Variants in UBE3A observed in about 807,000 individuals in gnomAD.
The protein encoded by UBE3A is ubiquitin protein ligase E3A, also known as ubiquitin-protein ligase E3A.
Under a neutral mutation model 83.4 loss-of-function variants are expected in UBE3A, and 6 were observed. The observed-to-expected ratio is 0.07, with a 90% CI of 0.04 to 0.14. The LOEUF (loss-of-function observed/expected upper bound fraction) is 0.14, where lower values mean the gene tolerates loss of function less well. UBE3A is among the 10% of genes least tolerant of loss of function. The probability of loss-of-function intolerance (pLI) is 1.00; values close to 1 mark genes in which losing one functional copy is unlikely to be tolerated. For missense variants in UBE3A, 456 were observed against 1,036.1 expected (o/e 0.44, Z 7.69); for synonymous variants, 337 against 355.4 (o/e 0.95, Z 0.58).
chr15:25,345,799 TAACTGAAA>T (rs2075594698), intron 11 of UBE3A: 1 of 149,302 alleles, frequency 6.7e-6, no homozygotes, highest in Non-Finnish European at 1.5e-5. Flanking sequence ...TGAATGAGGG[TAACTGAAA>T]AAAAGGAAGA....
intron 5 of UBE3A, among the ~76,000 whole-genome samples, chr15:25,372,663 A>T: frequency 6.6e-6 from 1 of 152,194 alleles, no homozygotes; most frequent in East Asian, 1.9e-4. Context: ...GATGAAAGAT[A>T]TTTCATTTCA....
chr15:25,359,971 G>A (rs984096325), intron 7 of UBE3A, among the ~76,000 whole-genome samples: 2 of 152,090 alleles, frequency 1.3e-5, no homozygotes, highest in Non-Finnish European at 2.9e-5. Context: ...TCTGAACTTT[G>A]AGCATGACAT....
chr15:25,339,300 A>G (rs773890941), intron 12 of UBE3A, 43 bp from the exon 13 acceptor site: 42 of 1,603,102 alleles, frequency 2.6e-5, no homozygotes. Flanking sequence ...ACTGTAAGTC[A>G]TGGGAAATAC....
At chr15:25,369,743 C>T (rs777657973) in intron 6 of UBE3A, among the ~76,000 whole-genome samples, 5 of 152,134 alleles carry the variant, frequency 3.3e-5, no homozygotes, top group Non-Finnish European at 7.4e-5. Context: ...CTGACGACTG[C>T]TTTCTGTCTT....
chr15:25,405,743 C>CTA, intron 3 of UBE3A: 1 of 537,918 alleles, frequency 1.9e-6, no homozygotes, highest in Non-Finnish European at 3.3e-6. Flanking sequence ...ACTGTAAACG[C>CTA]TATACATAGA....
At chr15:25,354,857 A>G (rs1245357688) in intron 9 of UBE3A, among the ~76,000 whole-genome samples, 174 bp from the exon 10 acceptor site, 1 of 152,046 alleles carries the variant, frequency 6.6e-6, no homozygotes, top group Non-Finnish European at 1.5e-5. Context: ...GTTATAGCCA[A>G]TATTAAGCTA....
intron 11 of UBE3A, among the ~76,000 whole-genome samples, chr15:25,353,172 T>C (rs1362613215): frequency 6.6e-6 from 1 of 152,128 alleles, no homozygotes; most frequent in Non-Finnish European, 1.5e-5. Context: ...TGAATCACCT[T>C]TGAAACTCAG....
At chr15:25,356,997 T>C in intron 7 of UBE3A, 101 bp from the exon 8 acceptor site, 1 of 991,208 alleles carries the variant, frequency 1.0e-6, no homozygotes, top group Non-Finnish European at 1.5e-6. Context: ...TATAAAACAT[T>C]TAAAATATAT....
rs1288952411 is a variant in UBE3A, at chr15:25,409,225, C to A, written c.-100-18G>T. On this transcript the variant is annotated intron_variant, in intron 2 of 12. Coordinates refer to ENST00000648336, the MANE Select transcript of UBE3A (RefSeq NM_130839.5). ...TAATAACTCTAATAAATTAAACAAA[C>A]CTTTGGTTAGAACACTTTAATATAT... The A allele has an allele frequency of 2.1e-6, 2 of 959,718 alleles. No homozygotes were observed. Among genetic ancestry groups the A allele is most frequent in the East Asian group, 2.6e-5 (1 of 37,856 alleles). The allele number at this position is 959,718 out of a possible 1,614,324, so 59.5% of individuals were successfully genotyped here. A position where few individuals can be genotyped will look rare whatever the true frequency, so the allele number is the denominator to read the frequency against.
At chr15:25,362,590 G>A (rs2078298376) in intron 6 of UBE3A, among the ~76,000 whole-genome samples, 1 of 152,174 alleles carries the variant, frequency 6.6e-6, no homozygotes, top group South Asian at 2.1e-4. Flanking sequence ...ACTTGATATA[G>A]ACTAGTTCCA....
At chr15:25,436,436 T>C (rs1367992976) in intron 1 of UBE3A, among the ~76,000 whole-genome samples, 1 of 152,196 alleles carries the variant, frequency 6.6e-6, no homozygotes, top group African/African-American at 2.4e-5. Flanking sequence ...GGAAACATCA[T>C]TTCAAGAGCT....
rs1409040592 is a variant in UBE3A at position 25,338,326 on chromosome 15, GAAC to G, written c.*808_*810del. 3 of 149,972 alleles carry G rather than the reference GAAC, an allele frequency of 2.0e-5. No individual in the cohort carries two copies. Among genetic ancestry groups the G allele is most frequent in the East Asian group, 2.0e-4 (1 of 4,904 alleles). 9.3% of individuals were successfully genotyped at this position (149,972 alleles called of 1,614,324 possible). A position where few individuals can be genotyped will look rare whatever the true frequency, so the allele number is the denominator to read the frequency against. On this transcript the variant is annotated 3_prime_UTR_variant, in exon 13 of 13. Transcript: ENST00000648336. ...CCCAGTAAACTTAAAACAACAACGA[GAAC>G]AACAAGAACAAAAATCCCTGTCCTT...
At chr15:25,423,723 C>T (rs1890494361) in intron 1 of UBE3A, among the ~76,000 whole-genome samples, 1 of 152,010 alleles carries the variant, frequency 6.6e-6, no homozygotes, top group African/African-American at 2.4e-5. Flanking sequence ...GTAAAATTAC[C>T]TGTAGTTAAG....
chr15:25,342,684 CAG>C (rs1033861034), intron 11 of UBE3A, among the ~76,000 whole-genome samples: 3 of 151,738 alleles, frequency 2.0e-5, no homozygotes, highest in Non-Finnish European at 4.4e-5. Flanking sequence ...AACTAGGAGA[CAG>C]AACAATAAAC....
chr15:25,382,797 G>A (rs1325534064), intron 4 of UBE3A, among the ~76,000 whole-genome samples: 1 of 151,800 alleles, frequency 6.6e-6, no homozygotes, highest in Non-Finnish European at 1.5e-5. Flanking sequence ...AAATAAATAG[G>A]ACCTTAAAAG....
At chr15:25,402,871 T>C (rs1178584278) in intron 4 of UBE3A, among the ~76,000 whole-genome samples, 2 of 152,228 alleles carry the variant, frequency 1.3e-5, no homozygotes, top group Non-Finnish European at 2.9e-5. Context: ...TTGTTCAAAT[T>C]GATGGTTCTA....
chr15:25,416,466 T>C (rs2090940347), intron 1 of UBE3A, among the ~76,000 whole-genome samples: 2 of 152,042 alleles, frequency 1.3e-5, no homozygotes, highest in Admixed American at 1.3e-4. Flanking sequence ...ATCTAATCTA[T>C]GCTATGAGAA....
intron 1 of UBE3A, among the ~76,000 whole-genome samples, chr15:25,432,841 TAATAAATA>T (rs1317763364): frequency 5.9e-5 from 9 of 152,200 alleles, no homozygotes; most frequent in Non-Finnish European, 1.3e-4. Context: ...ATGCAGACCT[TAATAAATA>T]AAGTCTTACA....
intron 12 of UBE3A, 143 bp downstream of exon 12, chr15:25,339,941 AT>A: frequency 8.8e-7 from 1 of 1,142,026 alleles, no homozygotes. Context: ...ACAGCAAAGT[AT>A]TTTCTCAATT....
Sources: gnomAD v4.1 joint callset for allele counts (sites outside exome capture counted in the v4.1 genomes callset) on GRCh38, gnomAD v4.1.1 for gene constraint, MANE v1.5 for transcripts, NCBI Gene and HGNC (gene_info 2026-07-23, HGNC 2026-07-21) for gene names.